DPP6: variants seen among roughly 807,000 people sequenced by gnomAD.
DPP6 encodes the protein A-type potassium channel modulatory protein DPP6.
A neutral mutation model predicts 122.6 loss-of-function variants in DPP6; 69 were observed. That is an observed-to-expected ratio of 0.56 (90% CI 0.46 to 0.69). The LOEUF (loss-of-function observed/expected upper bound fraction) is 0.69. Ranked by LOEUF, DPP6 falls within the 30% of genes least tolerant of loss-of-function variation. DPP6 has a pLI of 0.00. For synonymous variants in DPP6, 418 were observed against 433.1 expected, an observed-to-expected ratio of 0.97 and a Z score of 0.43; for missense variants, 928 against 1,116.9, an observed-to-expected ratio of 0.83 and a Z score of 2.41.
intron 13 of DPP6, among the ~76,000 whole-genome samples, chr7:154,803,118 G>C (rs567039419): frequency 6.6e-6 from 1 of 152,106 alleles, no homozygotes; most frequent in Non-Finnish European, 1.5e-5. Flanking sequence ...CCCCATGTTC[G>C]AGTCTGCAGC....
intron 1 of DPP6, among the ~76,000 whole-genome samples, chr7:154,190,146 A>G (rs1798542818): frequency 1.3e-5 from 2 of 152,318 alleles, no homozygotes; most frequent in Non-Finnish European, 2.9e-5. Context: ...TCTTTCCAGA[A>G]TTTGCAAAAT....
intron 1 of DPP6, among the ~76,000 whole-genome samples, chr7:154,347,572 T>C (rs1190418526): frequency 6.6e-6 from 1 of 152,242 alleles, no homozygotes; most frequent in Non-Finnish European, 1.5e-5. Context: ...ATTAGTGTTT[T>C]GGTGTTTAAT....
At chr7:154,800,192 G>A (rs10272715) in intron 12 of DPP6, among the ~76,000 whole-genome samples, 16,386 of 152,186 alleles carry the variant, frequency 0.11, 1,146 homozygotes, top group African/African-American at 0.19. Context: ...CTCTAAATAG[G>A]AAAATAAATG....
intron 6 of DPP6, among the ~76,000 whole-genome samples, chr7:154,639,767 A>G (rs746801678): frequency 8.5e-5 from 13 of 152,144 alleles, no homozygotes; most frequent in Non-Finnish European, 1.6e-4. Context: ...TGGTGTCTTT[A>G]ATGGAATCAG....
intron 1 of DPP6, among the ~76,000 whole-genome samples, chr7:154,165,072 T>C (rs1797177021): frequency 6.6e-6 from 1 of 151,516 alleles, no homozygotes; most frequent in South Asian, 2.1e-4. Flanking sequence ...TAGTTACATA[T>C]GTATACATGT....
At chr7:153,853,950 G>A in the DPP6 span, among the ~76,000 whole-genome samples, 2 of 149,198 alleles carry the variant, frequency 1.3e-5, no homozygotes, top group Non-Finnish European at 3.0e-5. Flanking sequence ...TCATGCCTAG[G>A]TTTTCTTCTA....
In DPP6 at chr7:154,624,985, G is replaced by A. The variant is rs1282127676; in HGVS notation, c.628-12836G>A. 6.6e-6 allele frequency among the ~76,000 whole-genome samples: 1 copy of A among 152,128 alleles called. No homozygotes were observed. Among genetic ancestry groups the A allele is most frequent in the Non-Finnish European group, 1.5e-5 (1 of 68,020 alleles). On this transcript the variant is annotated intron_variant, in intron 5 of 25. Coordinates refer to ENST00000377770, the MANE Select transcript of DPP6 (RefSeq NM_130797.4). The surrounding 1 kb of genome is among the most constrained non-coding windows in gnomAD (Gnocchi z 4.7). ...ATAAACTGTGACATCACCATCACCC[G>A]GACACCAGTGGGATTTATGTTGTGT...
At chr7:154,447,336 A>G (rs1819968841) in intron 2 of DPP6, among the ~76,000 whole-genome samples, 1 of 152,174 alleles carries the variant, frequency 6.6e-6, no homozygotes, top group African/African-American at 2.4e-5. Context: ...AGGAGTTATC[A>G]TAGAAAAACA....
chr7:154,324,920 G>A (rs1354217188), intron 1 of DPP6, among the ~76,000 whole-genome samples: 2 of 133,600 alleles, frequency 1.5e-5, no homozygotes, highest in Non-Finnish European at 3.1e-5. Flanking sequence ...GAGTGCAATG[G>A]CACCATCTTG....
chr7:154,317,314 G>C (rs570606639), intron 1 of DPP6, among the ~76,000 whole-genome samples: 1 of 152,068 alleles, frequency 6.6e-6, no homozygotes, highest in South Asian at 2.1e-4. Flanking sequence ...GGCTAACATG[G>C]TGAATCCAGC....
chr7:154,518,441 G>T (rs11764836), intron 3 of DPP6, among the ~76,000 whole-genome samples: 10,118 of 151,984 alleles, frequency 0.067, 453 homozygotes, highest in Middle Eastern at 0.1. Context: ...CGATTTTTTT[G>T]GCAAAATGAC....
chr7:153,940,810 G>A (rs1348120104), intron 1 of DPP6, among the ~76,000 whole-genome samples: 1 of 152,296 alleles, frequency 6.6e-6, no homozygotes, highest in Middle Eastern at 3.4e-3. Context: ...CCCAATTCAT[G>A]TAAGATCTGA....
chr7:154,430,144 C>G (rs117641254), intron 1 of DPP6, among the ~76,000 whole-genome samples: 6 of 152,270 alleles, frequency 3.9e-5, no homozygotes, highest in Non-Finnish European at 7.4e-5. Flanking sequence ...TCCTCGACGG[C>G]CTTAGATGCT....
intron 16 of DPP6, among the ~76,000 whole-genome samples, chr7:154,822,697 C>G (rs1799877549): frequency 6.6e-6 from 1 of 152,186 alleles, no homozygotes; most frequent in East Asian, 1.9e-4. Context: ...ATCCACACCT[C>G]TGCTCACAGA....
At chr7:154,859,267 C>T (rs74780349) in intron 17 of DPP6, among the ~76,000 whole-genome samples, 1,815 of 152,356 alleles carry the variant, frequency 0.012, 40 homozygotes, top group African/African-American at 0.04. Context: ...GCTTCCAACC[C>T]GCGCTGTGGG....
chr7:154,467,993 T>A (rs1323330425), intron 2 of DPP6, among the ~76,000 whole-genome samples: 2 of 152,204 alleles, frequency 1.3e-5, no homozygotes, highest in Admixed American at 6.5e-5. Flanking sequence ...CGACAGTGAA[T>A]CTCTTAATTT....
At chr7:154,109,479 A>T (rs1424079572) in intron 1 of DPP6, among the ~76,000 whole-genome samples, 1 of 151,940 alleles carries the variant, frequency 6.6e-6, no homozygotes, top group East Asian at 1.9e-4. Context: ...TTTAGTAGAG[A>T]TAGGGTTTCA....
rs56155095 is a variant in DPP6, at chr7:154,139,802, G to C, written c.243+86739G>C. Among the ~76,000 whole-genome samples the C allele has an allele frequency of 7.8e-3, 1,190 of 152,290 alleles. 11 individuals are homozygous for C. The highest frequency in any genetic ancestry group is 0.027 in the African/African-American group (1,117 of 41,552). ...GATTCCATGCACTATTTATGCTGGA[G>C]CACTACAACTAAGAAGTCTCTTTTG... On this transcript the variant is annotated intron_variant, in intron 1 of 25. Coordinates refer to ENST00000377770, the MANE Select transcript of DPP6 (RefSeq NM_130797.4).
At chr7:154,687,667 A>G (rs1334433339) in intron 7 of DPP6, among the ~76,000 whole-genome samples, 1 of 151,968 alleles carries the variant, frequency 6.6e-6, no homozygotes, top group Admixed American at 6.6e-5. Flanking sequence ...TCTTATTTTG[A>G]TATTCTTTGG....
Sources: gnomAD v4.1 joint callset for allele counts (sites outside exome capture counted in the v4.1 genomes callset) on GRCh38, gnomAD v4.1.1 for gene constraint, Gnocchi (gnomAD v3.1) non-coding constraint, MANE v1.5 for transcripts, NCBI Gene and HGNC (gene_info 2026-07-23, HGNC 2026-07-21) for gene names.